The following EDN1 variants were observed in gnomAD, a reference collection of about 807,000 sequenced individuals.
The protein encoded by EDN1 is endothelin-1.
A neutral mutation model predicts 21.7 loss-of-function variants in EDN1; 11 were observed. That is an observed-to-expected ratio of 0.51 (90% CI 0.32 to 0.84). The LOEUF is 0.84. EDN1 is among the 40% of genes least tolerant of loss of function. The probability of loss-of-function intolerance (pLI) is 0.03; values close to 1 mark genes in which losing one functional copy is unlikely to be tolerated. For synonymous variants in EDN1, 85 were observed against 90.6 expected (o/e 0.94, Z 0.35); for missense variants, 244 against 262.3 (o/e 0.93, Z 0.48).
Position 12,293,976 on chromosome 6 carries a change from C to A in EDN1, c.269C>A (p.Ser90Tyr), listed in dbSNP as rs762749838. Residue 90 changes from serine to tyrosine, a missense_variant, in exon 3 of 5, where the codon TCC becomes TAC. Ser to Tyr is a moderately radical substitution (Grantham distance 144, BLOSUM62 -2). Coordinates refer to ENST00000379375, the MANE Select transcript of EDN1 (RefSeq NM_001955.5). ...CCGTATGGACTTGGAAGCCCTAGGT[C>A]CAAGAGAGCCTTGGAGAATTTACTT... The part of the protein sequence containing the change: ...VVPYGLGSPR[S>Y]KRALENLLPT... The A allele has an allele frequency of 6.2e-7, 1 of 1,614,148 alleles. No homozygotes were observed. Among genetic ancestry groups the A allele is most frequent in the Admixed American group, 1.7e-5 (1 of 60,024 alleles).
chr6:12,292,246 T>G, intron 1 of EDN1, 95 bp from the exon 2 acceptor site: 1 of 1,561,226 alleles, frequency 6.4e-7, no homozygotes, highest in Non-Finnish European at 8.7e-7. Context: ...TCATCTGCTT[T>G]TATCTGCTCT....
the EDN1 span, among the ~76,000 whole-genome samples, chr6:12,241,896 G>A: frequency 6.6e-5 from 10 of 152,196 alleles, no homozygotes; most frequent in Admixed American, 5.9e-4. Context: ...TGTGATGGTG[G>A]GAATTTCTTT....
the EDN1 span, among the ~76,000 whole-genome samples, chr6:12,284,720 AAAGGAAGGAAGGAAGGAAGG>A: frequency 7.8e-6 from 1 of 127,512 alleles, no homozygotes; most frequent in Admixed American, 7.9e-5. Context: ...AGAAAGAAGG[AAAGGAAGGAAGGAAGGAAGG>A]AAGGAAGGAA....
the EDN1 span, among the ~76,000 whole-genome samples, chr6:12,237,665 C>T: frequency 6.6e-6 from 1 of 152,084 alleles, no homozygotes; most frequent in East Asian, 1.9e-4. Flanking sequence ...TACTCCGGGG[C>T]TGCCTGTGCT....
chr6:12,269,131 G>A, the EDN1 span, among the ~76,000 whole-genome samples: 2 of 151,886 alleles, frequency 1.3e-5, no homozygotes, highest in Non-Finnish European at 2.9e-5. Flanking sequence ...TTTTTAGGGA[G>A]TTCTTTATAG....
upstream of EDN1, among the ~76,000 whole-genome samples, chr6:12,286,906 G>T (rs975139233): frequency 6.6e-6 from 1 of 152,146 alleles, no homozygotes; most frequent in Non-Finnish European, 1.5e-5. Context: ...TTGAGGCCAG[G>T]ATTTCAAGAC....
chr6:12,290,319 T>C (rs761582688), upstream of EDN1: 7 of 420,782 alleles, frequency 1.7e-5, no homozygotes, highest in African/African-American at 4.0e-5. Context: ...CCCACTCTAA[T>C]AGGGGTTCAA....
the EDN1 span, among the ~76,000 whole-genome samples, chr6:12,248,087 A>C: frequency 6.6e-6 from 1 of 152,170 alleles, no homozygotes; most frequent in Non-Finnish European, 1.5e-5. Flanking sequence ...ATATCAATGG[A>C]TATTCCTCAC....
chr6:12,281,252 G>T, the EDN1 span, among the ~76,000 whole-genome samples: 2 of 152,146 alleles, frequency 1.3e-5, no homozygotes, highest in African/African-American at 4.8e-5. Context: ...TTCAGTAATA[G>T]AACTTATGTG....
chr6:12,278,246 T>C, the EDN1 span, among the ~76,000 whole-genome samples: 1 of 152,228 alleles, frequency 6.6e-6, no homozygotes. Flanking sequence ...GAAACCCTTA[T>C]TATTTACAAT....
the EDN1 span, among the ~76,000 whole-genome samples, chr6:12,243,009 C>T: frequency 6.6e-6 from 1 of 152,066 alleles, no homozygotes; most frequent in Non-Finnish European, 1.5e-5. Context: ...CACCAACTCT[C>T]CTTGCAGTCA....
chr6:12,280,470 T>C, the EDN1 span, among the ~76,000 whole-genome samples: 3 of 152,234 alleles, frequency 2.0e-5, no homozygotes, highest in African/African-American at 7.2e-5. Flanking sequence ...TCCTAACACA[T>C]TTTCATAAAT....
chr6:12,270,745 C>T, the EDN1 span, among the ~76,000 whole-genome samples: 3 of 152,156 alleles, frequency 2.0e-5, no homozygotes, highest in Non-Finnish European at 4.4e-5. Flanking sequence ...AATGTGTATT[C>T]TGTAGCGGTT....
At chr6:12,283,203 A>C in the EDN1 span, among the ~76,000 whole-genome samples, 4 of 152,252 alleles carry the variant, frequency 2.6e-5, no homozygotes, top group Non-Finnish European at 4.4e-5. Context: ...CTACGAAGAC[A>C]ACCAGTAAAA....
Position 12,294,078 on chromosome 6 carries a change from A to C in EDN1, c.371A>C (p.Gln124Pro). The C allele has an allele frequency of 6.2e-7, 1 of 1,614,198 alleles. No individual in the cohort carries two copies. The highest frequency in any genetic ancestry group is 1.1e-5 in the South Asian group (1 of 91,078). ...QKDKKCWNFC[Q>P]AGKELRAEDI... The stretch of plus-strand genomic sequence containing the variant: ...GACAAGAAGTGCTGGAATTTTTGCC[A>C]AGCAGGAAAAGAACTCAGGTGAGCA... Residue 124 changes from glutamine to proline, a missense_variant, in exon 3 of 5, where the codon CAA becomes CCA. By Grantham distance (76) the Gln-to-Pro change is moderately conservative. Coordinates refer to ENST00000379375, the MANE Select transcript of EDN1 (RefSeq NM_001955.5).
upstream of EDN1, among the ~76,000 whole-genome samples, chr6:12,288,700 G>A (rs1314335564): frequency 6.6e-6 from 1 of 152,214 alleles, no homozygotes; most frequent in Non-Finnish European, 1.5e-5. Flanking sequence ...TCCCCCAGCT[G>A]TGACTTCGAG....
At chr6:12,239,063 C>T in the EDN1 span, among the ~76,000 whole-genome samples, 1 of 152,200 alleles carries the variant, frequency 6.6e-6, no homozygotes, top group Non-Finnish European at 1.5e-5. Flanking sequence ...CCTGTGAATA[C>T]CCAGTTCCTG....
the EDN1 span, among the ~76,000 whole-genome samples, chr6:12,250,567 A>C: frequency 1.3e-5 from 2 of 152,190 alleles, no homozygotes; most frequent in Admixed American, 6.5e-5. Context: ...TTTTGAAAAA[A>C]TTCCATGTTG....
chr6:12,251,394 A>T, the EDN1 span, among the ~76,000 whole-genome samples: 1 of 152,186 alleles, frequency 6.6e-6, no homozygotes, highest in African/African-American at 2.4e-5. Context: ...ATGATATCTC[A>T]TCAAACTTGA....
Sources: gnomAD v4.1 joint callset for allele counts (sites outside exome capture counted in the v4.1 genomes callset) on GRCh38, gnomAD v4.1.1 for gene constraint, MANE v1.5 for transcripts, NCBI Gene and HGNC (gene_info 2026-07-23, HGNC 2026-07-21) for gene names.